PDE11A: variants seen among roughly 807,000 people sequenced by gnomAD.
PDE11A encodes dual 3',5'-cyclic-AMP and -GMP phosphodiesterase 11A.
PDE11A carries 100 observed loss-of-function variants against 100.5 expected under a neutral mutation model. That is an observed-to-expected ratio of 1.00 (90% CI 0.85 to 1.18). The LOEUF (loss-of-function observed/expected upper bound fraction) is 1.18. Ranked by LOEUF, PDE11A falls within the 50% of genes most tolerant of loss-of-function variation. PDE11A has a pLI of 0.00. For synonymous variants in PDE11A, 381 were observed against 420.8 expected (o/e 0.91, Z 1.16); for missense variants, 1,141 against 1,152.6 (o/e 0.99, Z 0.15).
rs566071951 is a variant in PDE11A, at chr2:177,680,217, T to A, written c.2423+609A>T. On this transcript the variant is annotated intron_variant, in intron 16 of 19. Coordinates refer to ENST00000286063, the MANE Select transcript of PDE11A (RefSeq NM_016953.4). ...AGAACAGGGATAAGACAGCAGAAGG[T>A]CTGGTTGAGGTGGAGAGAGTAGAAG... 2.0e-5 allele frequency among the ~76,000 whole-genome samples: 3 copies of A among 151,984 alleles called. No homozygotes were observed. The South Asian group carries it at 6.3e-4, about 32-fold the overall frequency.
At chr2:177,843,969 G>C (rs2083534427) in intron 5 of PDE11A, among the ~76,000 whole-genome samples, 1 of 150,956 alleles carries the variant, frequency 6.6e-6, no homozygotes, top group Non-Finnish European at 1.5e-5. Context: ...ACCTATATAG[G>C]TCAGTGCAAC....
chr2:177,706,936 T>A (rs1343162997), intron 13 of PDE11A, among the ~76,000 whole-genome samples: 4 of 151,932 alleles, frequency 2.6e-5, no homozygotes, highest in East Asian at 3.9e-4. Context: ...ACATAGCTAG[T>A]AAGGTTTACT....
At chr2:177,956,299 A>G (rs1422283249) in intron 2 of PDE11A, among the ~76,000 whole-genome samples, 1 of 152,260 alleles carries the variant, frequency 6.6e-6, no homozygotes, top group Non-Finnish European at 1.5e-5. Context: ...GCCAAAAAAC[A>G]CATGAAAAAA....
intron 1 of PDE11A, among the ~76,000 whole-genome samples, chr2:178,048,793 G>A (rs987364078): frequency 6.6e-6 from 1 of 152,116 alleles, no homozygotes. Flanking sequence ...TGTTTCATAA[G>A]CCATAAATGT....
At chr2:177,986,012 G>T (rs1208588429) in intron 2 of PDE11A, among the ~76,000 whole-genome samples, 1 of 152,128 alleles carries the variant, frequency 6.6e-6, no homozygotes, top group Non-Finnish European at 1.5e-5. Context: ...AGGCAAAAAG[G>T]ATCCTTTTGC....
intron 2 of PDE11A, among the ~76,000 whole-genome samples, chr2:177,919,414 T>C (rs1241959865): frequency 6.6e-6 from 1 of 152,170 alleles, no homozygotes; most frequent in Non-Finnish European, 1.5e-5. Flanking sequence ...TTGATATCTA[T>C]ACATACCTGT....
At chr2:177,925,378 C>T (rs2085112131) in intron 2 of PDE11A, among the ~76,000 whole-genome samples, 1 of 151,506 alleles carries the variant, frequency 6.6e-6, no homozygotes, top group Non-Finnish European at 1.5e-5. Context: ...TCTCCACATC[C>T]TCTCCAGCAC....
At chr2:177,742,777 A>T (rs567678010) in intron 10 of PDE11A, among the ~76,000 whole-genome samples, 2 of 152,340 alleles carry the variant, frequency 1.3e-5, no homozygotes, top group African/African-American at 4.8e-5. Flanking sequence ...GAGGAAGACA[A>T]GGCTAGGAAA....
chr2:177,672,086 G>A (rs1346818368), intron 17 of PDE11A, among the ~76,000 whole-genome samples: 1 of 152,116 alleles, frequency 6.6e-6, no homozygotes, highest in Non-Finnish European at 1.5e-5. Flanking sequence ...ACCTGGAAGA[G>A]CCTCCTACCT....
chr2:177,941,916 C>T (rs1396203705), intron 2 of PDE11A, among the ~76,000 whole-genome samples: 2 of 152,116 alleles, frequency 1.3e-5, no homozygotes, highest in African/African-American at 4.8e-5. Context: ...CATAAATGGA[C>T]CTTAAATATC....
intron 2 of PDE11A, chr2:177,926,906 G>A (rs1374039319): frequency 6.6e-6 from 1 of 152,102 alleles, no homozygotes; most frequent in South Asian, 2.1e-4. Context: ...CCTGCACCAT[G>A]AGAAAAATCT....
chr2:178,074,668 C>A (rs2087185024), upstream of PDE11A, among the ~76,000 whole-genome samples: 1 of 152,096 alleles, frequency 6.6e-6, no homozygotes, highest in African/African-American at 2.4e-5. Flanking sequence ...AAGACCAAGA[C>A]AAAAGCTGTG....
At chr2:177,940,695 C>T (rs2085335992) in intron 2 of PDE11A, among the ~76,000 whole-genome samples, 1 of 152,174 alleles carries the variant, frequency 6.6e-6, no homozygotes. Context: ...GTATTAATAG[C>T]TGTCATGGGA....
At chr2:178,068,795 T>C (rs866557494) in intron 1 of PDE11A, among the ~76,000 whole-genome samples, 2 of 152,138 alleles carry the variant, frequency 1.3e-5, no homozygotes, top group East Asian at 1.9e-4. Flanking sequence ...GCAACATCCT[T>C]CCCTACAACA....
At chr2:177,813,624 C>T (rs552967843) in intron 9 of PDE11A, among the ~76,000 whole-genome samples, 1 of 151,974 alleles carries the variant, frequency 6.6e-6, no homozygotes, top group South Asian at 2.1e-4. Flanking sequence ...TGAAAAATGC[C>T]TTGGGAATAG....
intron 2 of PDE11A, among the ~76,000 whole-genome samples, chr2:177,982,975 G>A (rs112605930): frequency 0.063 from 9,519 of 150,406 alleles, 732 homozygotes; most frequent in South Asian, 0.16. Context: ...AGTTACTTGG[G>A]TGGCTGAGGC....
At chr2:178,021,063 G>C (rs1429428187) in intron 1 of PDE11A, among the ~76,000 whole-genome samples, 1 of 151,400 alleles carries the variant, frequency 6.6e-6, no homozygotes, top group Non-Finnish European at 1.5e-5. Context: ...CCAGGGTCAA[G>C]TAATTTTCCT....
chr2:178,010,743 A>G (rs902168847), intron 2 of PDE11A, among the ~76,000 whole-genome samples: 1 of 152,220 alleles, frequency 6.6e-6, no homozygotes, highest in Non-Finnish European at 1.5e-5. Context: ...CCAAAATGAC[A>G]AATGTAGAAT....
At chr2:177,678,459 C>T (rs2080812903) in intron 16 of PDE11A, among the ~76,000 whole-genome samples, 1 of 152,146 alleles carries the variant, frequency 6.6e-6, no homozygotes, top group Non-Finnish European at 1.5e-5. Flanking sequence ...TAACAGTAAC[C>T]TCAGCAATTG....
Sources: gnomAD v4.1 joint callset for allele counts (sites outside exome capture counted in the v4.1 genomes callset) on GRCh38, gnomAD v4.1.1 for gene constraint, MANE v1.5 for transcripts, NCBI Gene and HGNC (gene_info 2026-07-23, HGNC 2026-07-21) for gene names.